Variants in DDR2 observed in about 807,000 individuals in gnomAD.
The protein encoded by DDR2 is discoidin domain receptor tyrosine kinase 2, also known as discoidin domain-containing receptor 2.
A neutral mutation model predicts 94.9 loss-of-function variants in DDR2; 27 were observed. The ratio of observed to expected loss-of-function variants is 0.28; its 90% CI spans 0.21 to 0.39. The LOEUF (loss-of-function observed/expected upper bound fraction) is 0.39, where lower values mean the gene tolerates loss of function less well. Ranked by LOEUF, DDR2 falls within the 10% of genes least tolerant of loss-of-function variation. The probability of loss-of-function intolerance (pLI) is 1.00; values close to 1 mark genes in which losing one functional copy is unlikely to be tolerated. For missense variants in DDR2, 783 were observed against 1,076.0 expected (o/e 0.73, Z 3.81); for synonymous variants, 382 against 377.2 (o/e 1.01, Z -0.15).
intron 3 of DDR2, among the ~76,000 whole-genome samples, chr1:162,724,992 T>C (rs1420731348): frequency 6.6e-6 from 1 of 152,150 alleles, no homozygotes; most frequent in Non-Finnish European, 1.5e-5. Flanking sequence ...AGAGCCTTTC[T>C]CTGGGTAAAA....
intron 3 of DDR2, among the ~76,000 whole-genome samples, chr1:162,726,820 G>A (rs1483862329): frequency 6.6e-6 from 1 of 152,036 alleles, no homozygotes; most frequent in South Asian, 2.1e-4. Flanking sequence ...GCTTACCATG[G>A]AAACTGGGCG....
At position 162,782,746 on chromosome 1, in the gene DDR2, T is replaced by G. The variant is rs1428135604; in HGVS notation, c.*2500T>G. ...TGGGTTATTCTATGATTCCATATTTTTTTTAAAAAAAATCATATTTAAAAT... is the reference window on the plus strand; with the variant it reads ...TGGGTTATTCTATGATTCCATATTTGTTTTAAAAAAAATCATATTTAAAAT... On this transcript the variant is annotated 3_prime_UTR_variant, in exon 18 of 18. Transcript: ENST00000367921. The G allele has an allele frequency of 4.6e-5, 7 of 152,274 alleles. No homozygotes were observed. In the East Asian group the frequency reaches 1.4e-3, roughly 29 times the overall value. The allele number at this position is 152,274 out of a possible 1,614,324, so 9.4% of individuals were successfully genotyped here.
chr1:162,739,384 T>C (rs962723340), intron 3 of DDR2, among the ~76,000 whole-genome samples: 1 of 152,116 alleles, frequency 6.6e-6, no homozygotes, highest in Non-Finnish European at 1.5e-5. Flanking sequence ...GTGTGATCAC[T>C]GCACCTCCGC....
intron 2 of DDR2, among the ~76,000 whole-genome samples, chr1:162,668,690 T>C (rs986436728): frequency 2.0e-5 from 3 of 152,210 alleles, no homozygotes; most frequent in Admixed American, 6.5e-5. Context: ...ATCCTAGTCA[T>C]TGGGTGACAT....
At chr1:162,673,949 C>A (rs993096288) in intron 2 of DDR2, among the ~76,000 whole-genome samples, 7 of 152,072 alleles carry the variant, frequency 4.6e-5, no homozygotes, top group African/African-American at 1.7e-4. Context: ...TACTCTCTCT[C>A]TAGGTAATCT....
chr1:162,671,574 C>T (rs1488992277), intron 2 of DDR2, among the ~76,000 whole-genome samples: 2 of 152,024 alleles, frequency 1.3e-5, no homozygotes, highest in Non-Finnish European at 2.9e-5. Context: ...CTGTGACTCC[C>T]CTTTCCTTCT....
chr1:162,660,734 A>C (rs890664430), intron 2 of DDR2, among the ~76,000 whole-genome samples: 1 of 152,200 alleles, frequency 6.6e-6, no homozygotes, highest in Non-Finnish European at 1.5e-5. Context: ...CAGATGGTTT[A>C]TGACAGGAGT....
At position 162,751,912 on chromosome 1, in the gene DDR2, C is replaced by T. The variant is rs140188640; in HGVS notation, c.83-1183C>T. ...ATCGCAAGGACTGAAGGCCAAGCAC[C>T]GCATGTTCTCACTCATGAGTGGGAA... On this transcript the variant is annotated intron_variant, in intron 3 of 17. Transcript: ENST00000367921. 5.1e-4 allele frequency among the ~76,000 whole-genome samples: 78 copies of T among 152,240 alleles called. No homozygotes were observed. In the East Asian group the frequency reaches 0.014, roughly 28 times the overall value.
chr1:162,750,657 T>C (rs894194338), intron 3 of DDR2, among the ~76,000 whole-genome samples: 1 of 152,176 alleles, frequency 6.6e-6, no homozygotes, highest in African/African-American at 2.4e-5. Flanking sequence ...TTAAAGTTCA[T>C]ATGGAACCAA....
intron 2 of DDR2, among the ~76,000 whole-genome samples, chr1:162,657,926 G>A (rs926729976): frequency 2.7e-5 from 4 of 150,390 alleles, no homozygotes; most frequent in African/African-American, 7.4e-5. Flanking sequence ...CTCTTGTTTT[G>A]TTTTCTCTTT....
At chr1:162,646,368 C>A (rs1056110035) in intron 1 of DDR2, among the ~76,000 whole-genome samples, 1 of 152,092 alleles carries the variant, frequency 6.6e-6, no homozygotes, top group Non-Finnish European at 1.5e-5. Flanking sequence ...TTAAAAATGA[C>A]AATTGTGAGG....
chr1:162,658,662 CAAAAA>C (rs796958023), intron 2 of DDR2, among the ~76,000 whole-genome samples: 2 of 61,084 alleles, frequency 3.3e-5, no homozygotes, highest in African/African-American at 1.1e-4. Flanking sequence ...CTTGTCTGTA[CAAAAA>C]AAAAAAAAAA....
At position 162,638,740 on chromosome 1, in the gene DDR2, G is replaced by A. The variant is rs144335256; in HGVS notation, c.-192+6109G>A. ...CTCTTGAGATGCAGGGGAGCAAATT[G>A]ACCTCAATAAGAGAGTAGTGGGAGC... On this transcript the variant is annotated intron_variant, in intron 1 of 17. Transcript: ENST00000367921. 1.9e-3 allele frequency among the ~76,000 whole-genome samples: 294 copies of A among 152,286 alleles called. 5 individuals carry two copies. In the Middle Eastern group the frequency reaches 0.031, roughly 16 times the overall value.
At chr1:162,763,976 T>C (rs1663875737) in intron 9 of DDR2, among the ~76,000 whole-genome samples, 1 of 152,238 alleles carries the variant, frequency 6.6e-6, no homozygotes, top group South Asian at 2.1e-4. Context: ...CTATTGAACA[T>C]TAAGATTTCT....
intron 1 of DDR2, among the ~76,000 whole-genome samples, chr1:162,638,220 C>G (rs2101884122): frequency 6.6e-6 from 1 of 152,174 alleles, no homozygotes; most frequent in South Asian, 2.1e-4. Context: ...GGGGTTTCAC[C>G]AGGTTGGCCA....
At chr1:162,636,477 C>A (rs1269980075) in intron 1 of DDR2, among the ~76,000 whole-genome samples, 2 of 152,092 alleles carry the variant, frequency 1.3e-5, no homozygotes, top group African/African-American at 2.4e-5. Flanking sequence ...TGTGAGGGGC[C>A]CTTTGGATCT....
chr1:162,649,262 C>T lies in DDR2; in HGVS notation c.-191-5949C>T, dbSNP rs1024549088. On this transcript the variant is annotated intron_variant, in intron 1 of 17. Transcript: ENST00000367921. ...AACATTTTGACTATCCAAGAGAGGG[C>T]GAGCTTAGAGCACTCCACAAACTTT... Among the ~76,000 whole-genome samples, 3 of 152,094 alleles carry T rather than the reference C, an allele frequency of 2.0e-5. No homozygotes were observed. In the East Asian group the frequency reaches 5.8e-4, roughly 29 times the overall value.
Position 162,728,041 on chromosome 1 carries a change from A to G in DDR2, c.82+8896A>G, listed in dbSNP as rs890972477. Among the ~76,000 whole-genome samples, 155 of 130,676 alleles carry G rather than the reference A, an allele frequency of 1.2e-3. 2 individuals are homozygous for G. Among genetic ancestry groups the G allele is most frequent in the Admixed American group, 2.6e-3 (33 of 12,904 alleles). The allele number at this position is 130,676 out of a possible 152,430, so 85.7% of individuals were successfully genotyped here. A position where few individuals can be genotyped will look rare whatever the true frequency, so the allele number is the denominator to read the frequency against. On this transcript the variant is annotated intron_variant, in intron 3 of 17. Transcript: ENST00000367921. ...ATAATCACACTATATATATCTATATATATCTATATATAGATATAATCACAC... is the reference window on the plus strand; with the variant it reads ...ATAATCACACTATATATATCTATATGTATCTATATATAGATATAATCACAC...
At chr1:162,690,038 C>T (rs1659898215) in intron 2 of DDR2, among the ~76,000 whole-genome samples, 1 of 150,116 alleles carries the variant, frequency 6.7e-6, no homozygotes, top group Admixed American at 6.7e-5. Context: ...AGACAGAATG[C>T]TGAGCAATTA....
Sources: allele counts gnomAD v4.1 joint callset (sites outside exome capture counted in the v4.1 genomes callset), GRCh38; gene constraint gnomAD v4.1.1; transcripts MANE v1.5; gene names NCBI Gene and HGNC (gene_info 2026-07-23, HGNC 2026-07-21).